Variants in KCNMA1 observed in about 807,000 individuals in gnomAD.
KCNMA1 encodes the protein Calcium-activated potassium channel subunit alpha-1.
KCNMA1 carries 29 observed loss-of-function variants against 140.0 expected under a neutral mutation model. The observed-to-expected ratio is 0.21, with a 90% CI of 0.15 to 0.28. The LOEUF is 0.28. Ranked by LOEUF, KCNMA1 falls within the 10% of genes least tolerant of loss-of-function variation. The pLI, the probability that KCNMA1 is intolerant of heterozygous loss-of-function variation, is 1.00. For synonymous variants in KCNMA1, 612 were observed against 611.9 expected, an observed-to-expected ratio of 1.00 and a Z score of 0.00; for missense variants, 880 against 1,602.2, an observed-to-expected ratio of 0.55 and a Z score of 7.70.
intron 2 of KCNMA1, among the ~76,000 whole-genome samples, chr10:77,379,096 A>G (rs1187563313): frequency 6.6e-6 from 1 of 152,214 alleles, no homozygotes; most frequent in African/African-American, 2.4e-5. Context: ...CACCATAGAA[A>G]ACAGTGTATG....
chr10:76,963,678 G>A (rs2072657359), intron 20 of KCNMA1, among the ~76,000 whole-genome samples: 2 of 152,154 alleles, frequency 1.3e-5, no homozygotes, highest in Non-Finnish European at 2.9e-5. Flanking sequence ...GGGATTTACT[G>A]ACTAGATGCT....
At chr10:77,636,687 G>A in intron 1 of KCNMA1, 1 of 1,531,822 alleles carries the variant, frequency 6.5e-7, no homozygotes, top group Non-Finnish European at 8.7e-7. Context: ...CTCGCCCCTC[G>A]AAGTCCCCCT....
At chr10:77,111,898 T>C (rs1289058398) in intron 7 of KCNMA1, among the ~76,000 whole-genome samples, 1 of 152,178 alleles carries the variant, frequency 6.6e-6, no homozygotes, top group Non-Finnish European at 1.5e-5. Context: ...TGAAAAAGAA[T>C]GAACATTTTT....
chr10:77,165,536 G>A (rs2098631342), intron 5 of KCNMA1, among the ~76,000 whole-genome samples: 1 of 152,106 alleles, frequency 6.6e-6, no homozygotes, highest in Non-Finnish European at 1.5e-5. Flanking sequence ...AATATTCTAC[G>A]GAGATAAAAT....
chr10:77,046,029 T>A lies in KCNMA1; in HGVS notation c.1750-6392A>T, dbSNP rs16934206. On this transcript the variant is annotated intron_variant, in intron 14 of 27. Transcript: ENST00000286628. ...ACTAAAAGGAAATTATAAAAACCAA[T>A]GACCATTATGTTAATAGCTGCAATA... 8.4e-3 allele frequency among the ~76,000 whole-genome samples: 1,280 copies of A among 152,350 alleles called. 21 individuals are homozygous for A. The highest frequency in any genetic ancestry group is 0.029 in the African/African-American group (1,224 of 41,582).
chr10:77,099,806 G>A (rs915016130), intron 9 of KCNMA1, among the ~76,000 whole-genome samples: 4 of 152,050 alleles, frequency 2.6e-5, no homozygotes, highest in Non-Finnish European at 4.4e-5. Context: ...GGTCTGGAAA[G>A]GAGTGGACCT....
intron 1 of KCNMA1, among the ~76,000 whole-genome samples, chr10:77,443,349 T>TC (rs1161375544): frequency 6.6e-6 from 1 of 151,838 alleles, no homozygotes; most frequent in Non-Finnish European, 1.5e-5. Context: ...TCCATCACTA[T>TC]CCCCCCATCA....
At chr10:77,388,683 A>T (rs1041482950) in intron 2 of KCNMA1, among the ~76,000 whole-genome samples, 1 of 152,254 alleles carries the variant, frequency 6.6e-6, no homozygotes, top group African/African-American at 2.4e-5. Flanking sequence ...GACAAAATCT[A>T]CAGCAGAAAT....
At chr10:77,254,859 A>G (rs1320182813) in intron 2 of KCNMA1, among the ~76,000 whole-genome samples, 2 of 152,242 alleles carry the variant, frequency 1.3e-5, no homozygotes, top group Non-Finnish European at 2.9e-5. Flanking sequence ...AGGAAAGCAC[A>G]GTACCCCAGA....
intron 14 of KCNMA1, among the ~76,000 whole-genome samples, chr10:77,053,442 G>C (rs1317851736): frequency 6.6e-6 from 1 of 152,204 alleles, no homozygotes; most frequent in Admixed American, 6.5e-5. Context: ...TTAGGGAGTG[G>C]AGGGTGAATT....
In KCNMA1 at chr10:76,889,471, G is replaced by C. The variant is rs765051720; in HGVS notation, c.3441C>G (p.Thr1147=). 2 of 1,611,656 alleles carry C rather than the reference G, an allele frequency of 1.2e-6. No homozygotes were observed. Among genetic ancestry groups the C allele is most frequent in the Non-Finnish European group, 1.7e-6 (2 of 1,177,798 alleles). The change falls in exon 27 of 28, where the codon ACC becomes ACG. Residue 1147 remains threonine (T), a synonymous_variant. Transcript: ENST00000286628. ...IYRLRDAHLS[T]PSQCTKRYVI... ...CTCACCTCTTTGTGCACTGACTGGG[G>C]GTGCTGAGGTGAGCATCTCTCAGCC... is the stretch of plus-strand genomic sequence containing the variant.
intron 5 of KCNMA1, among the ~76,000 whole-genome samples, chr10:77,160,811 T>A (rs2098546149): frequency 6.6e-6 from 1 of 152,252 alleles, no homozygotes; most frequent in South Asian, 2.1e-4. Flanking sequence ...GGCCCTGGTT[T>A]TGTTAGTCAT....
chr10:77,637,068 A>T (rs2093828015), intron 1 of KCNMA1, 197 bp downstream of exon 1: 8 of 1,357,164 alleles, frequency 5.9e-6, no homozygotes, highest in Non-Finnish European at 7.7e-6. Context: ...GCTGGGGGCA[A>T]CTCCTCACCC....
At chr10:77,409,459 T>C (rs975859008) in intron 1 of KCNMA1, among the ~76,000 whole-genome samples, 2 of 152,150 alleles carry the variant, frequency 1.3e-5, no homozygotes, top group East Asian at 1.9e-4. Flanking sequence ...TATCTCTTGT[T>C]GCCTCCCCGA....
intron 3 of KCNMA1, among the ~76,000 whole-genome samples, chr10:77,201,754 A>T (rs1419438412): frequency 6.6e-6 from 1 of 152,144 alleles, no homozygotes; most frequent in African/African-American, 2.4e-5. Context: ...CTGATGGAAG[A>T]GTTCTGTATA....
At chr10:76,997,451 G>A (rs978458691) in intron 19 of KCNMA1, among the ~76,000 whole-genome samples, 10 of 152,182 alleles carry the variant, frequency 6.6e-5, no homozygotes, top group African/African-American at 2.4e-4. Context: ...TCTACCACAG[G>A]ATTAATTTGT....
At chr10:77,396,932 A>G (rs2096074439) in intron 2 of KCNMA1, among the ~76,000 whole-genome samples, 1 of 152,218 alleles carries the variant, frequency 6.6e-6, no homozygotes, top group Non-Finnish European at 1.5e-5. Flanking sequence ...TGGCAAGACC[A>G]GTCTTTGAAG....
intron 3 of KCNMA1, among the ~76,000 whole-genome samples, chr10:77,233,590 G>A (rs570700705): frequency 3.2e-4 from 48 of 152,288 alleles, no homozygotes; most frequent in African/African-American, 8.9e-4. Flanking sequence ...TCAGGACTGC[G>A]CATGCCTCCA....
intron 25 of KCNMA1, among the ~76,000 whole-genome samples, chr10:76,899,146 T>C (rs2043930481): frequency 6.6e-6 from 1 of 151,938 alleles, no homozygotes. Flanking sequence ...CAGAGGAGAG[T>C]ATTAGGAAAA....
Sources: gnomAD v4.1 joint callset for allele counts (sites outside exome capture counted in the v4.1 genomes callset) on GRCh38, gnomAD v4.1.1 for gene constraint, MANE v1.5 for transcripts, NCBI Gene and HGNC (gene_info 2026-07-23, HGNC 2026-07-21) for gene names.